SRGAP3: variants seen among roughly 807,000 people sequenced by gnomAD.
SRGAP3 encodes SLIT-ROBO Rho GTPase activating protein 3.
Under a neutral mutation model 121.1 loss-of-function variants are expected in SRGAP3, and 39 were observed. The observed-to-expected ratio is 0.32, with a 90% CI of 0.25 to 0.42. SRGAP3 has a LOEUF of 0.42. Among genes scored for constraint, SRGAP3 ranks in the 10% least tolerant of loss-of-function variants. SRGAP3 has a pLI of 1.00. For missense variants in SRGAP3, 1,213 were observed against 1,470.6 expected, an observed-to-expected ratio of 0.82 and a Z score of 2.86; for synonymous variants, 601 against 570.0, an observed-to-expected ratio of 1.05 and a Z score of -0.77.
At chr3:9,185,975 G>T (rs1951584735) in intron 1 of SRGAP3, among the ~76,000 whole-genome samples, 1 of 152,134 alleles carries the variant, frequency 6.6e-6, no homozygotes, top group Admixed American at 6.5e-5. Context: ...AGGCACACAG[G>T]GTTAGCAAGG....
rs564671094 is a variant in SRGAP3 at position 8,990,644 on chromosome 3, C to T, written c.2754G>A (p.Gly918=). ...SPEKRRMATF[G]SAGSINYPDK... Reference sequence around the variant, plus strand: ...CAGGGTAGTTGATGCTGCCAGCGCTCCCGAACGTCGCCATCCTCCGCTTCT... The same window carrying T: ...CAGGGTAGTTGATGCTGCCAGCGCTTCCGAACGTCGCCATCCTCCGCTTCT... Residue 918 remains glycine, a synonymous_variant, in exon 21 of 22, where the codon GGG becomes GGA. Transcript: ENST00000383836. 1 of 1,613,626 alleles carries T rather than the reference C, an allele frequency of 6.2e-7. No individual in the cohort carries two copies. Among genetic ancestry groups the T allele is most frequent in the South Asian group, 1.1e-5 (1 of 91,024 alleles).
chr3:9,081,138 A>G (rs1040620166), intron 3 of SRGAP3: 3 of 381,042 alleles, frequency 7.9e-6, no homozygotes, highest in African/African-American at 6.4e-5. Flanking sequence ...CCACTTGGAC[A>G]TCGCCTTCCT....
chr3:9,064,624 C>T, intron 4 of SRGAP3, 43 bp from the exon 5 acceptor site: 1 of 1,610,156 alleles, frequency 6.2e-7, no homozygotes, highest in Admixed American at 1.7e-5. Flanking sequence ...CAGCTATGGC[C>T]CAGCACGGCC....
intron 1 of SRGAP3, among the ~76,000 whole-genome samples, chr3:9,211,151 G>T (rs970559170): frequency 6.6e-6 from 1 of 151,990 alleles, no homozygotes; most frequent in Non-Finnish European, 1.5e-5. Flanking sequence ...GGGAGAAGTG[G>T]GCATTATTTT....
chr3:9,284,515 T>C (rs751139713), intron 3 of SRGAP3, among the ~76,000 whole-genome samples: 13 of 152,166 alleles, frequency 8.5e-5, no homozygotes, highest in Non-Finnish European at 1.5e-4. Flanking sequence ...AAATGGCAAG[T>C]AATGGTCTTA....
At chr3:9,122,813 C>T (rs954629278) in intron 2 of SRGAP3, among the ~76,000 whole-genome samples, 2 of 151,806 alleles carry the variant, frequency 1.3e-5, no homozygotes, top group South Asian at 2.1e-4. Context: ...AGAGAAGGCA[C>T]ATAAGTGAGT....
intron 7 of SRGAP3, 47 bp downstream of exon 7, chr3:9,058,204 G>C: frequency 5.7e-6 from 9 of 1,592,518 alleles, no homozygotes; most frequent in Non-Finnish European, 7.7e-6. Flanking sequence ...GCACATGGGG[G>C]AACAGAGGGA....
At chr3:9,331,679 G>T (rs1429952771) in intron 1 of SRGAP3, among the ~76,000 whole-genome samples, 1 of 152,178 alleles carries the variant, frequency 6.6e-6, no homozygotes, top group African/African-American at 2.4e-5. Context: ...ACAGAATAGG[G>T]CAGAAATGAC....
intron 1 of SRGAP3, among the ~76,000 whole-genome samples, chr3:9,158,704 A>G (rs1328573652): frequency 6.6e-6 from 1 of 152,108 alleles, no homozygotes; most frequent in Non-Finnish European, 1.5e-5. Context: ...AAAGCACAGA[A>G]TCTCAGACAG....
rs546933545 is a variant in SRGAP3, at chr3:9,125,770, C to T, written c.68-853G>A. Among the ~76,000 whole-genome samples the T allele has an allele frequency of 5.3e-5, 8 of 152,360 alleles. No individual in the cohort carries two copies. In the East Asian group the frequency reaches 1.5e-3, roughly 29 times the overall value. On this transcript the variant is annotated intron_variant, in intron 1 of 21. Coordinates refer to ENST00000383836, the MANE Select transcript of SRGAP3 (RefSeq NM_014850.4). ...GATTCTTTCCAGGCCATCCCAAGAG[C>T]TGCTCAACAGATCAGCCTCCAAAGC...
intron 1 of SRGAP3, among the ~76,000 whole-genome samples, chr3:9,187,389 G>A (rs1405830315): frequency 6.6e-6 from 1 of 152,142 alleles, no homozygotes; most frequent in Non-Finnish European, 1.5e-5. Flanking sequence ...TTGAGGGCAA[G>A]TCGGGGAGAA....
intron 14 of SRGAP3, among the ~76,000 whole-genome samples, chr3:9,019,003 G>A (rs1465146198): frequency 6.6e-6 from 1 of 152,082 alleles, no homozygotes; most frequent in African/African-American, 2.4e-5. Context: ...AAGAAATCCT[G>A]GAAATCCCTC....
chr3:9,091,044 A>G (rs1329516047), intron 3 of SRGAP3, among the ~76,000 whole-genome samples: 1 of 152,002 alleles, frequency 6.6e-6, no homozygotes, highest in Non-Finnish European at 1.5e-5. Flanking sequence ...AAAAAATACC[A>G]TCTTAAAATG....
chr3:9,009,107 T>C lies in SRGAP3; in HGVS notation c.2227+1201A>G, dbSNP rs7636340. Among the ~76,000 whole-genome samples the C allele has an allele frequency of 8.2e-4, 125 of 152,328 alleles. 1 individual carries two copies. The highest frequency in any genetic ancestry group is 3.0e-3 in the African/African-American group (124 of 41,558). On this transcript the variant is annotated intron_variant, in intron 18 of 21. Coordinates refer to ENST00000383836, the MANE Select transcript of SRGAP3 (RefSeq NM_014850.4). ...CCTGGGACTTTTCAGGTATAGGAAC[T>C]TACTCTCTCTTAAGCTTAAGTTGAT...
Position 9,182,439 on chromosome 3 carries a change from C to A in SRGAP3, c.68-57522G>T, listed in dbSNP as rs965949627. On this transcript the variant is annotated intron_variant, in intron 1 of 21. Coordinates refer to ENST00000383836, the MANE Select transcript of SRGAP3 (RefSeq NM_014850.4). The stretch of plus-strand genomic sequence containing the variant: ...AAAGCGAGGCATCTACAAGCCAAGG[C>A]ACACCAGAAGCCAGAAAAGACCAGG... 5.9e-5 allele frequency among the ~76,000 whole-genome samples: 9 copies of A among 151,966 alleles called. No individual in the cohort carries two copies. In the East Asian group the frequency reaches 1.6e-3, roughly 26 times the overall value.
chr3:9,022,314 G>A (rs1298057149), intron 14 of SRGAP3, among the ~76,000 whole-genome samples: 2 of 152,186 alleles, frequency 1.3e-5, no homozygotes. Flanking sequence ...GTGACAGAGC[G>A]AGACTCCATC....
At chr3:9,108,654 G>C (rs1948507297) in intron 2 of SRGAP3, among the ~76,000 whole-genome samples, 1 of 152,164 alleles carries the variant, frequency 6.6e-6, no homozygotes, top group Non-Finnish European at 1.5e-5. Flanking sequence ...GCAGTGGGGA[G>C]TCATGGAAGT....
At chr3:9,087,090 A>G (rs1340933908) in intron 3 of SRGAP3, among the ~76,000 whole-genome samples, 1 of 151,992 alleles carries the variant, frequency 6.6e-6, no homozygotes, top group Non-Finnish European at 1.5e-5. Context: ...GTATATGTGT[A>G]TATATGTGTG....
intron 1 of SRGAP3, among the ~76,000 whole-genome samples, chr3:9,146,018 A>G (rs974362232): frequency 2.0e-5 from 3 of 152,240 alleles, no homozygotes; most frequent in African/African-American, 7.2e-5. Flanking sequence ...CTTGAAGGCC[A>G]TGTTCAGGGG....
Sources: allele counts gnomAD v4.1 joint callset (sites outside exome capture counted in the v4.1 genomes callset), GRCh38; gene constraint gnomAD v4.1.1; transcripts MANE v1.5; gene names NCBI Gene and HGNC (gene_info 2026-07-23, HGNC 2026-07-21).